The following ZER1 variants were observed in gnomAD, a reference collection of about 807,000 sequenced individuals.
The protein encoded by ZER1 is zyg-11 related cell cycle regulator.
In ZER1, 11 loss-of-function variants were observed where a neutral mutation model predicts 78.8. That is an observed-to-expected ratio of 0.14 (90% confidence interval 0.09 to 0.23). The LOEUF is 0.23. Ranked by LOEUF, ZER1 falls within the 10% of genes least tolerant of loss-of-function variation. The pLI, the probability that ZER1 is intolerant of heterozygous loss-of-function variation, is 1.00. For missense variants in ZER1, 588 were observed against 996.9 expected (o/e 0.59, Z 5.52); for synonymous variants, 400 against 407.0 (o/e 0.98, Z 0.21).
chr9:128,740,220 CTTAT>C lies in ZER1; in HGVS notation c.1854-105_1854-102del, dbSNP rs1863243158. On this transcript the variant is annotated intron_variant, in intron 12 of 15. Coordinates refer to ENST00000291900, the MANE Select transcript of ZER1 (RefSeq NM_006336.4). The surrounding 1 kb of genome is among the most constrained non-coding windows in gnomAD (Gnocchi z 4.4). ...TTAAAACCAGAAGCAAGAGGTGCTA[CTTAT>C]TTCTTTATCCCATATCGTCTATATA... 8.4e-7 allele frequency: 1 copy of C among 1,190,464 alleles called. No individual in the cohort carries two copies. The highest frequency in any genetic ancestry group is 2.6e-5 in the East Asian group (1 of 38,722). The allele number at this position is 1,190,464 out of a possible 1,614,324, so 73.7% of individuals were successfully genotyped here. A position where few individuals can be genotyped will look rare whatever the true frequency, so the allele number is the denominator to read the frequency against.
chr9:128,753,799 C>A lies in ZER1; in HGVS notation c.309+10G>T. The A allele has an allele frequency of 6.4e-7, 1 of 1,554,028 alleles. No homozygotes were observed. Among genetic ancestry groups the A allele is most frequent in the Non-Finnish European group, 8.7e-7 (1 of 1,153,250 alleles). ...GGGCCCTCCTGGCGCTGTGGCGGGG[C>A]AGGTCTCACCTGCTTGCGGATGGCC... On this transcript the variant is annotated intron_variant, in intron 3 of 15. Coordinates refer to ENST00000291900, the MANE Select transcript of ZER1 (RefSeq NM_006336.4). The surrounding 1 kb of genome is among the most constrained non-coding windows in gnomAD (Gnocchi z 7.5).
chr9:128,750,597 G>A lies in ZER1; in HGVS notation c.1359+19C>T, dbSNP rs771136895. On this transcript the variant is annotated intron_variant, in intron 8 of 15. Transcript: ENST00000291900. ...TGGCTGGGCCAGAGCATGCGGGGCC[G>A]TGGCGGGTGGGGGCTCACCGTCACC... 9.9e-6 allele frequency: 16 copies of A among 1,611,122 alleles called. No individual in the cohort carries two copies. Among genetic ancestry groups the A allele is most frequent in the African/African-American group, 4.0e-5 (3 of 75,022 alleles).
At chr9:128,761,958 C>CT (rs1416739362) in intron 1 of ZER1, among the ~76,000 whole-genome samples, 10 of 1,196 alleles carry the variant, frequency 8.4e-3, no homozygotes, top group African/African-American at 9.2e-3. Context: ...GCTGTGTAAA[C>CT]TAGACTGGAA....
In ZER1 at chr9:128,732,123, G is replaced by T. The variant is rs1033807598; in HGVS notation, c.2244-729C>A. On this transcript the variant is annotated intron_variant, in intron 15 of 15. Transcript: ENST00000291900. This position sits in a 1 kb window ranked among gnomAD's most constrained non-coding sequence, Gnocchi z 4.8. ...TGGGAGAGAGGTCAGTGGACAGGCC[G>T]AGGGCCTTCTCCTAAGCATTGTCCA... is the stretch of plus-strand genomic sequence containing the variant. Among the ~76,000 whole-genome samples, 3 of 152,214 alleles carry T rather than the reference G, an allele frequency of 2.0e-5. No individual in the cohort carries two copies. Among genetic ancestry groups the T allele is most frequent in the Non-Finnish European group, 4.4e-5 (3 of 68,038 alleles).
chr9:128,733,963 A>G (rs986822457), intron 14 of ZER1, among the ~76,000 whole-genome samples: 1 of 128,932 alleles, frequency 7.8e-6, no homozygotes, highest in Non-Finnish European at 1.6e-5. Flanking sequence ...CCCCGTCTCT[A>G]CTAAAAATAC....
At position 128,740,240 on chromosome 9, in the gene ZER1, C is replaced by A; in HGVS notation, c.1854-121G>T. ...TGCTACTTATTTCTTTATCCCATATCGTCTATATACCCAGACTACTTCTAA... is the reference window on the plus strand; with the variant it reads ...TGCTACTTATTTCTTTATCCCATATAGTCTATATACCCAGACTACTTCTAA... On this transcript the variant is annotated intron_variant, in intron 12 of 15. Coordinates refer to ENST00000291900, the MANE Select transcript of ZER1 (RefSeq NM_006336.4). The surrounding 1 kb of genome is among the most constrained non-coding windows in gnomAD (Gnocchi z 4.4). 1.0e-6 allele frequency: 1 copy of A among 972,748 alleles called. No individual in the cohort carries two copies. The highest frequency in any genetic ancestry group is 1.7e-5 in the South Asian group (1 of 58,412). 60.3% of individuals were successfully genotyped at this position (972,748 alleles called of 1,614,324 possible).
In ZER1 at chr9:128,731,199, G is replaced by A. The variant is rs1306334024; in HGVS notation, c.*138C>T. On this transcript the variant is annotated 3_prime_UTR_variant, in exon 16 of 16. Transcript: ENST00000291900. Reference sequence around the variant, plus strand: ...TATCTCACTAACATTAAGGAAAAGCGTCGGTTGTGCAAAAGTCCCCCATGT... The same window carrying A: ...TATCTCACTAACATTAAGGAAAAGCATCGGTTGTGCAAAAGTCCCCCATGT... The A allele has an allele frequency of 1.6e-5, 9 of 552,558 alleles. No individual in the cohort carries two copies. Among genetic ancestry groups the A allele is most frequent in the Admixed American group, 3.2e-5 (1 of 30,816 alleles). 34.2% of individuals were successfully genotyped at this position (552,558 alleles called of 1,614,324 possible). A position where few individuals can be genotyped will look rare whatever the true frequency, so the allele number is the denominator to read the frequency against.
intron 13 of ZER1, 86 bp downstream of exon 13, chr9:128,739,845 C>G: frequency 6.7e-7 from 1 of 1,490,882 alleles, no homozygotes; most frequent in South Asian, 1.3e-5. Context: ...GGTGGGAGCT[C>G]TGAGCAGACC....
chr9:128,750,862 G>A, intron 7 of ZER1, 73 bp from the exon 8 acceptor site: 2 of 1,578,248 alleles, frequency 1.3e-6, no homozygotes, highest in Non-Finnish European at 1.7e-6. Context: ...GGCTGGAACA[G>A]GCTCTCTGGG....
Position 128,753,039 on chromosome 9 carries a change from T to A in ZER1, c.746+125A>T. The A allele has an allele frequency of 8.2e-7, 1 of 1,214,822 alleles. No individual in the cohort carries two copies. The highest frequency in any genetic ancestry group is 1.6e-5 in the South Asian group (1 of 63,526). The allele number at this position is 1,214,822 out of a possible 1,614,324, so 75.3% of individuals were successfully genotyped here. A position where few individuals can be genotyped will look rare whatever the true frequency, so the allele number is the denominator to read the frequency against. On this transcript the variant is annotated intron_variant, in intron 4 of 15. Transcript: ENST00000291900. The surrounding 1 kb of genome is among the most constrained non-coding windows in gnomAD (Gnocchi z 7.5). Reference sequence around the variant, plus strand: ...ACTGGGTTTAAGGAATGGGACTGTGTCTTCATCCCCACCCTCTGCCTAGCC... The same window carrying A: ...ACTGGGTTTAAGGAATGGGACTGTGACTTCATCCCCACCCTCTGCCTAGCC...
chr9:128,753,346 C>G lies in ZER1; in HGVS notation c.564G>C (p.Trp188Cys). 6.2e-7 allele frequency: 1 copy of G among 1,613,734 alleles called. No individual in the cohort carries two copies. The highest frequency in any genetic ancestry group is 8.5e-7 in the Non-Finnish European group (1 of 1,179,888). Reference protein sequence around the residue: ...RFLNLGRMIDWVPVESLLRPL... With the variant: ...RFLNLGRMIDCVPVESLLRPL... ...GCCGCAGCAGGGACTCCACAGGGAC[C>G]CAATCAATCATGCGGCCCAAGTTGA... The change falls in exon 4 of 16, where the codon TGG becomes TGC. Residue 188 changes from tryptophan (W) to cysteine (C), a missense_variant. Physicochemically the swap from Trp to Cys is radical, Grantham distance 215 (BLOSUM62 -2). Transcript: ENST00000291900. This position sits in a 1 kb window ranked among gnomAD's most constrained non-coding sequence, Gnocchi z 7.5.
At position 128,753,717 on chromosome 9, in the gene ZER1, C is replaced by CTGGCTGGGCTGGGGA. The variant is rs1424200815; in HGVS notation, c.309+77_309+91dup. The CTGGCTGGGCTGGGGA allele has an allele frequency of 6.2e-5, 97 of 1,558,810 alleles. No individual in the cohort carries two copies. Among genetic ancestry groups the CTGGCTGGGCTGGGGA allele is most frequent in the Non-Finnish European group, 7.6e-5 (88 of 1,152,498 alleles). The stretch of plus-strand genomic sequence containing the variant: ...GGGATGTGCACAGTCACGGTGCACA[C>CTGGCTGGGCTGGGGA]TGGCTGGGCTGGGGATGGCTGGGCT... On this transcript the variant is annotated intron_variant, in intron 3 of 15. Coordinates refer to ENST00000291900, the MANE Select transcript of ZER1 (RefSeq NM_006336.4). This position sits in a 1 kb window ranked among gnomAD's most constrained non-coding sequence, Gnocchi z 7.5.
At chr9:128,757,902 A>C (rs942611037) in intron 1 of ZER1, among the ~76,000 whole-genome samples, 1 of 117,580 alleles carries the variant, frequency 8.5e-6, no homozygotes, top group Admixed American at 8.7e-5. Context: ...ACAGAAATGC[A>C]TAAGTAAATG....
At chr9:128,745,697 C>A (rs191870461) in intron 8 of ZER1, among the ~76,000 whole-genome samples, 1 of 151,994 alleles carries the variant, frequency 6.6e-6, no homozygotes, top group Non-Finnish European at 1.5e-5. Context: ...GTTGCCCAGC[C>A]TGGAGTACAG....
chr9:128,766,166 T>C (rs144248945), intron 1 of ZER1, among the ~76,000 whole-genome samples: 12 of 151,858 alleles, frequency 7.9e-5, no homozygotes, highest in Admixed American at 3.9e-4. Context: ...CTGGCCAACA[T>C]GGTGAAACCC....
intron 8 of ZER1, among the ~76,000 whole-genome samples, chr9:128,744,129 C>T (rs918398898): frequency 6.6e-6 from 1 of 151,456 alleles, no homozygotes; most frequent in Non-Finnish European, 1.5e-5. Context: ...GAACTTCTGA[C>T]CTCGTGATCC....
At chr9:128,731,985 G>C (rs1285830708) in intron 15 of ZER1, among the ~76,000 whole-genome samples, 10 of 152,204 alleles carry the variant, frequency 6.6e-5, no homozygotes, top group Non-Finnish European at 2.9e-5. Flanking sequence ...TTGTCACCTT[G>C]GACCCCGGAC....
rs749683407 is a variant in ZER1, at chr9:128,740,065, G to T, written c.1908C>A (p.Gly636=). 1 of 1,613,608 alleles carries T rather than the reference G, an allele frequency of 6.2e-7. No homozygotes were observed. The highest frequency in any genetic ancestry group is 1.3e-5 in the African/African-American group (1 of 74,902). The change falls in exon 13 of 16, where the codon GGC becomes GGA. Residue 636 remains glycine (G), a synonymous_variant. Coordinates refer to ENST00000291900, the MANE Select transcript of ZER1 (RefSeq NM_006336.4). The surrounding 1 kb of genome is among the most constrained non-coding windows in gnomAD (Gnocchi z 4.4). ...DGIEVSYNAC[G]VLSHIMFDGP... is the part of the protein sequence containing the mutation. ...CATCAAACATGATGTGGGAGAGGAC[G>T]CCGCAGGCATTGTAGGAAACCTCGA...
At chr9:128,738,185 C>A (rs1863153612) in intron 13 of ZER1, among the ~76,000 whole-genome samples, 1 of 148,692 alleles carries the variant, frequency 6.7e-6, no homozygotes, top group African/African-American at 2.5e-5. Context: ...GCTGGGACTA[C>A]AGGCGCATGC....
Sources: allele counts gnomAD v4.1 joint callset (sites outside exome capture counted in the v4.1 genomes callset), GRCh38; gene constraint gnomAD v4.1.1; non-coding constraint Gnocchi (gnomAD v3.1); transcripts MANE v1.5; gene names NCBI Gene and HGNC (gene_info 2026-07-23, HGNC 2026-07-21).